MECOM: variants seen among roughly 807,000 people sequenced by gnomAD.
The protein encoded by MECOM is histone-lysine N-methyltransferase MECOM.
MECOM carries 13 observed loss-of-function variants against 116.3 expected under a neutral mutation model. The ratio of observed to expected loss-of-function variants is 0.11; its 90% CI spans 0.07 to 0.18. The LOEUF (loss-of-function observed/expected upper bound fraction) is 0.18, where lower values mean the gene tolerates loss of function less well. Ranked by LOEUF, MECOM falls within the 10% of genes least tolerant of loss-of-function variation. The pLI is 1.00. For missense variants in MECOM, 1,299 were observed against 1,509.0 expected, an observed-to-expected ratio of 0.86 and a Z score of 2.31; for synonymous variants, 528 against 535.2, an observed-to-expected ratio of 0.99 and a Z score of 0.19.
At chr3:169,657,954 T>G (rs2110114031) in intron 1 of MECOM, among the ~76,000 whole-genome samples, 1 of 152,330 alleles carries the variant, frequency 6.6e-6, no homozygotes, top group South Asian at 2.1e-4. Context: ...ACTACACTAT[T>G]TCTCCCTTCC....
At chr3:169,272,858 G>A (rs1391619818) in intron 2 of MECOM, among the ~76,000 whole-genome samples, 1 of 152,100 alleles carries the variant, frequency 6.6e-6, no homozygotes, top group African/African-American at 2.4e-5. Context: ...TCATAGGGTG[G>A]GCACTGGCTG....
At chr3:169,601,068 T>C (rs902387246) in intron 1 of MECOM, among the ~76,000 whole-genome samples, 3 of 152,192 alleles carry the variant, frequency 2.0e-5, no homozygotes, top group African/African-American at 7.2e-5. Context: ...CTAAAGTTAT[T>C]TGTGGTCAAA....
intron 1 of MECOM, among the ~76,000 whole-genome samples, chr3:169,559,881 T>A (rs763132295): frequency 2.6e-5 from 4 of 152,234 alleles, no homozygotes; most frequent in Non-Finnish European, 5.9e-5. Flanking sequence ...ATTAACTGAC[T>A]TGTAAAGGAA....
intron 14 of MECOM, 88 bp from the exon 15 acceptor site, chr3:169,090,324 G>A (rs1307223693): frequency 3.3e-6 from 4 of 1,213,850 alleles, no homozygotes; most frequent in Non-Finnish European, 4.6e-6. Flanking sequence ...CCCAACAACA[G>A]TTTAGATTTT....
At chr3:169,376,707 T>A (rs555087079) in intron 2 of MECOM, among the ~76,000 whole-genome samples, 1 of 152,226 alleles carries the variant, frequency 6.6e-6, no homozygotes, top group African/African-American at 2.4e-5. Flanking sequence ...AAAAATTCCA[T>A]GCTAATGGAT....
At chr3:169,629,935 G>A (rs1221244824) in intron 1 of MECOM, among the ~76,000 whole-genome samples, 1 of 152,138 alleles carries the variant, frequency 6.6e-6, no homozygotes, top group African/African-American at 2.4e-5. Context: ...CCTGAGAACA[G>A]CAGAATGCCA....
intron 1 of MECOM, among the ~76,000 whole-genome samples, chr3:169,550,545 T>G (rs1457244089): frequency 7.2e-5 from 11 of 152,236 alleles, no homozygotes; most frequent in African/African-American, 2.7e-4. Flanking sequence ...CTGGTAAATT[T>G]CAGTGTTCTA....
At chr3:169,282,043 G>A (rs534344524) in intron 2 of MECOM, among the ~76,000 whole-genome samples, 1 of 152,222 alleles carries the variant, frequency 6.6e-6, no homozygotes, top group East Asian at 1.9e-4. Context: ...ACAATGTTAA[G>A]CACTGAATAT....
chr3:169,547,410 T>C (rs1251861385), intron 1 of MECOM, among the ~76,000 whole-genome samples: 1 of 152,188 alleles, frequency 6.6e-6, no homozygotes, highest in East Asian at 1.9e-4. Context: ...TTTATAGTAG[T>C]GTGAGAATGG....
intron 2 of MECOM, among the ~76,000 whole-genome samples, chr3:169,377,377 G>A (rs983039764): frequency 6.6e-6 from 1 of 152,158 alleles, no homozygotes; most frequent in Non-Finnish European, 1.5e-5. Flanking sequence ...TCATTAGAGT[G>A]AACAGTCAAC....
intron 1 of MECOM, among the ~76,000 whole-genome samples, chr3:169,604,337 G>T (rs764290025): frequency 6.6e-6 from 1 of 151,698 alleles, no homozygotes; most frequent in South Asian, 2.1e-4. Flanking sequence ...AGGGGATGCC[G>T]AGGAGTACAA....
chr3:169,290,601 G>C (rs1418422592), intron 2 of MECOM, among the ~76,000 whole-genome samples: 2 of 152,138 alleles, frequency 1.3e-5, no homozygotes, highest in Non-Finnish European at 2.9e-5. Flanking sequence ...GCATGTTTCA[G>C]ATGCTGTGGA....
At chr3:169,496,387 TA>T (rs1286810210) in intron 1 of MECOM, among the ~76,000 whole-genome samples, 1 of 152,242 alleles carries the variant, frequency 6.6e-6, no homozygotes, top group Non-Finnish European at 1.5e-5. Flanking sequence ...GTTTGTAACC[TA>T]AAAGAGGGAT....
At chr3:169,097,220 G>C (rs1721808936) in intron 12 of MECOM, among the ~76,000 whole-genome samples, 1 of 151,942 alleles carries the variant, frequency 6.6e-6, no homozygotes, top group African/African-American at 2.4e-5. Context: ...CTAACTTTCT[G>C]CTTGCACACA....
chr3:169,636,228 T>C (rs984251940), intron 1 of MECOM, among the ~76,000 whole-genome samples: 1 of 152,170 alleles, frequency 6.6e-6, no homozygotes, highest in African/African-American at 2.4e-5. Context: ...CCTGCCAATT[T>C]TCATCACCTT....
intron 2 of MECOM, among the ~76,000 whole-genome samples, chr3:169,249,983 T>C (rs921062957): frequency 9.8e-5 from 15 of 152,304 alleles, no homozygotes; most frequent in Non-Finnish European, 1.5e-4. Context: ...ACTTACATTC[T>C]GCATATGATT....
At position 169,115,909 on chromosome 3, in the gene MECOM, A is replaced by T. The variant is rs768199551; in HGVS notation, c.1963T>A (p.Ser655Thr). 40 of 1,613,960 alleles carry T rather than the reference A, an allele frequency of 2.5e-5. No individual in the cohort carries two copies. Among genetic ancestry groups the T allele is most frequent in the Non-Finnish European group, 3.4e-5 (40 of 1,180,038 alleles). ...SPSLEEQTAVSGAVNDSIKAI... is the reference protein window; with the variant it reads ...SPSLEEQTAVTGAVNDSIKAI... ...TTTATAGAATCATTCACAGCTCCTG[A>T]CACCGCAGTCTGCTCCTCTAAAGAT... Residue 655 changes from serine (S) to threonine (T), a missense_variant, in exon 8 of 17, where the codon TCA becomes ACA. Physicochemically the swap from Ser to Thr is moderately conservative, Grantham distance 58. This residue lies in a region of MECOM where 340 missense variants were observed against 312.6 expected (regional missense o/e 1.09). Transcript: ENST00000651503.
intron 5 of MECOM, among the ~76,000 whole-genome samples, chr3:169,124,552 A>T (rs912222500): frequency 6.3e-5 from 2 of 31,954 alleles, no homozygotes; most frequent in African/African-American, 2.0e-4. Context: ...TGAATATTTG[A>T]TAATATTAAG....
chr3:169,651,178 G>A (rs1041002262), intron 1 of MECOM, among the ~76,000 whole-genome samples: 1 of 152,140 alleles, frequency 6.6e-6, no homozygotes, highest in African/African-American at 2.4e-5. Context: ...GTACATTGAG[G>A]TATGTCCCTT....
Sources: gnomAD v4.1 joint callset for allele counts (sites outside exome capture counted in the v4.1 genomes callset) on GRCh38, gnomAD v4.1.1 for gene constraint, gnomAD v4.1.1 regional missense constraint, MANE v1.5 for transcripts, NCBI Gene and HGNC (gene_info 2026-07-23, HGNC 2026-07-21) for gene names.